PCBP3: variants seen among roughly 807,000 people sequenced by gnomAD.
The protein encoded by PCBP3 is poly(rC)-binding protein 3.
PCBP3 carries 25 observed loss-of-function variants against 52.7 expected under a neutral mutation model. The observed-to-expected ratio is 0.47, with a 90% CI of 0.35 to 0.66. The LOEUF (loss-of-function observed/expected upper bound fraction) is 0.66, where lower values mean the gene tolerates loss of function less well. PCBP3 is among the 30% of genes least tolerant of loss of function. The pLI, the probability that PCBP3 is intolerant of heterozygous loss-of-function variation, is 0.01. For missense variants in PCBP3, 391 were observed against 490.3 expected, an observed-to-expected ratio of 0.80 and a Z score of 1.91; for synonymous variants, 162 against 183.0, an observed-to-expected ratio of 0.89 and a Z score of 0.93.
intron 2 of PCBP3, among the ~76,000 whole-genome samples, chr21:45,675,025 G>T (rs772238427): frequency 1.3e-5 from 2 of 152,238 alleles, no homozygotes; most frequent in African/African-American, 2.4e-5. Context: ...AGCTGATAGG[G>T]ATGCCCTGGA....
At chr21:45,911,824 G>A (rs140812818) in intron 11 of PCBP3, among the ~76,000 whole-genome samples, 6 of 152,314 alleles carry the variant, frequency 3.9e-5, no homozygotes, top group East Asian at 3.9e-4. Context: ...AAATGTTTGC[G>A]TAGTTGTTGT....
chr21:45,921,854 G>A (rs2074493372), intron 13 of PCBP3, among the ~76,000 whole-genome samples: 1 of 151,910 alleles, frequency 6.6e-6, no homozygotes, highest in African/African-American at 2.4e-5. Flanking sequence ...ATCTGCCTTC[G>A]CCTGCTTTTC....
At chr21:45,781,606 C>T (rs528473119) in intron 4 of PCBP3, among the ~76,000 whole-genome samples, 1 of 152,260 alleles carries the variant, frequency 6.6e-6, no homozygotes, top group South Asian at 2.1e-4. Context: ...AAATACGTAC[C>T]TACCAACATC....
chr21:45,893,597 CG>C (rs1046555548), intron 5 of PCBP3, among the ~76,000 whole-genome samples: 2 of 141,364 alleles, frequency 1.4e-5, no homozygotes, highest in Non-Finnish European at 3.0e-5. Flanking sequence ...GTGAGGGCCC[CG>C]GGTGCAGACG....
intron 5 of PCBP3, among the ~76,000 whole-genome samples, chr21:45,876,773 G>C (rs73382531): frequency 1.3e-5 from 2 of 152,226 alleles, no homozygotes; most frequent in Non-Finnish European, 2.9e-5. Flanking sequence ...CACCCACCCC[G>C]CACTGTGTTC....
chr21:45,868,510 T>A (rs758489350), intron 5 of PCBP3, among the ~76,000 whole-genome samples: 25 of 151,746 alleles, frequency 1.6e-4, no homozygotes, highest in Middle Eastern at 3.4e-3. Flanking sequence ...TGTCTGACTT[T>A]CTGCAGTTTA....
At chr21:45,918,521 G>A (rs77979974) in intron 13 of PCBP3, 1 of 52,228 alleles carries the variant, frequency 1.9e-5, no homozygotes, top group African/African-American at 9.8e-5. Flanking sequence ...TCAGATAAAC[G>A]GTCGGTGTAA....
intron 4 of PCBP3, chr21:45,760,673 A>C (rs1360251513): frequency 6.6e-6 from 1 of 152,248 alleles, no homozygotes; most frequent in Admixed American, 6.5e-5. Context: ...ATCCAAAAGA[A>C]GGCAAAAGAG....
intron 5 of PCBP3, among the ~76,000 whole-genome samples, chr21:45,874,310 G>A (rs2095161322): frequency 6.6e-6 from 1 of 152,104 alleles, no homozygotes; most frequent in Admixed American, 6.5e-5. Flanking sequence ...ATCAAAATTG[G>A]GAGAATTAAC....
At chr21:45,916,052 C>A (rs1427961394) in intron 12 of PCBP3, 1 of 152,304 alleles carries the variant, frequency 6.6e-6, no homozygotes, top group Non-Finnish European at 1.5e-5. Context: ...TGTCAGCCAC[C>A]ACCGCGTTTC....
At chr21:45,933,881 G>A (rs1467628229) in intron 15 of PCBP3, among the ~76,000 whole-genome samples, 2 of 152,176 alleles carry the variant, frequency 1.3e-5, no homozygotes, top group Non-Finnish European at 2.9e-5. Flanking sequence ...CAGGGCCCAG[G>A]GAGGGTGTGG....
chr21:45,703,344 C>G (rs2083249561), intron 2 of PCBP3, among the ~76,000 whole-genome samples: 1 of 152,198 alleles, frequency 6.6e-6, no homozygotes, highest in South Asian at 2.1e-4. Context: ...AAATGTATTT[C>G]TTAAGTAGTA....
rs1342116027 is a variant in PCBP3, at chr21:45,805,614, G to A, written c.-125-44347G>A. On this transcript the variant is annotated intron_variant, in intron 4 of 17. Coordinates refer to ENST00000681687, the MANE Select transcript of PCBP3 (RefSeq NM_001384156.1). The surrounding 1 kb of genome is among the most constrained non-coding windows in gnomAD (Gnocchi z 4.6). ...GGGGACCTTGAAGATAATGCTTCCT[G>A]TCTGCTTTTGTGTCAACAGTTGGGG... 1.3e-5 allele frequency among the ~76,000 whole-genome samples: 2 copies of A among 152,180 alleles called. No individual in the cohort carries two copies. The highest frequency in any genetic ancestry group is 2.9e-5 in the Non-Finnish European group (2 of 68,024).
At chr21:45,766,987 AAC>A (rs2089399808) in intron 4 of PCBP3, among the ~76,000 whole-genome samples, 1 of 152,182 alleles carries the variant, frequency 6.6e-6, no homozygotes, top group Non-Finnish European at 1.5e-5. Context: ...CTCACTCACT[AAC>A]ACAGTACTCA....
At chr21:45,893,085 C>G (rs555175921) in intron 5 of PCBP3, among the ~76,000 whole-genome samples, 1 of 152,012 alleles carries the variant, frequency 6.6e-6, no homozygotes, top group African/African-American at 2.4e-5. Flanking sequence ...GTTCTAGGCC[C>G]GGGCAGAGAG....
intron 2 of PCBP3, among the ~76,000 whole-genome samples, chr21:45,680,431 G>A (rs949201343): frequency 6.6e-6 from 1 of 152,050 alleles, no homozygotes; most frequent in Non-Finnish European, 1.5e-5. Context: ...ATTTCTACAC[G>A]TTTTGGTGGA....
intron 15 of PCBP3, among the ~76,000 whole-genome samples, chr21:45,934,082 C>T (rs1228557206): frequency 6.6e-6 from 1 of 151,932 alleles, no homozygotes; most frequent in African/African-American, 2.4e-5. Context: ...ACAGCAGAGG[C>T]AGGAACCAGC....
At chr21:45,646,107 C>CTGTGTGTGTGTGTGTGTGTGTGTG (rs765931494) in intron 1 of PCBP3, among the ~76,000 whole-genome samples, 1 of 83,782 alleles carries the variant, frequency 1.2e-5, no homozygotes. Context: ...CTCTCTCTCT[C>CTGTGTGTGTGTGTGTGTGTGTGTG]TGTGTGTGTG....
intron 13 of PCBP3, among the ~76,000 whole-genome samples, chr21:45,924,178 G>A (rs1284632463): frequency 8.1e-6 from 1 of 123,772 alleles, no homozygotes; most frequent in Non-Finnish European, 1.7e-5. Context: ...GGGAACAGTC[G>A]CGTGGGTAGA....
Sources: gnomAD v4.1 joint callset for allele counts (sites outside exome capture counted in the v4.1 genomes callset) on GRCh38, gnomAD v4.1.1 for gene constraint, Gnocchi (gnomAD v3.1) non-coding constraint, MANE v1.5 for transcripts, NCBI Gene and HGNC (gene_info 2026-07-23, HGNC 2026-07-21) for gene names.